Variants in COX7B2 observed in about 807,000 individuals in gnomAD.
COX7B2 encodes the protein cytochrome c oxidase subunit 7B2, mitochondrial.
For synonymous variants in COX7B2, 37 were observed against 32.1 expected, an observed-to-expected ratio of 1.15 and a Z score of -0.51; for missense variants, 109 against 95.9, an observed-to-expected ratio of 1.14 and a Z score of -0.57.
At chr4:46,837,698 T>C (rs187277147) in intron 2 of COX7B2, among the ~76,000 whole-genome samples, 1 of 151,966 alleles carries the variant, frequency 6.6e-6, no homozygotes, top group African/African-American at 2.4e-5. Context: ...ACATAAAAAA[T>C]AAAAATAAGG....
intron 1 of COX7B2, among the ~76,000 whole-genome samples, chr4:46,890,183 G>T (rs1719346507): frequency 6.6e-6 from 1 of 152,154 alleles, no homozygotes; most frequent in South Asian, 2.1e-4. Flanking sequence ...TCTTTAAAGA[G>T]AAAAGTAAGT....
Position 46,779,580 on chromosome 4 carries a change from T to C in COX7B2, c.-49-44339A>G, listed in dbSNP as rs536952303. On this transcript the variant is annotated intron_variant, in intron 2 of 2. Transcript: ENST00000355591. Reference sequence around the variant, plus strand: ...GCTGGGTTATATGGTAGTTCTATTTTTGAATTCGTTCAGAACCTCCATATT... The same window carrying C: ...GCTGGGTTATATGGTAGTTCTATTTCTGAATTCGTTCAGAACCTCCATATT... 3.6e-4 allele frequency among the ~76,000 whole-genome samples: 55 copies of C among 152,282 alleles called. No homozygotes were observed. In the Middle Eastern group the frequency reaches 0.01, roughly 28 times the overall value.
In COX7B2 at chr4:46,849,254, G is replaced by T. The variant is rs553011596; in HGVS notation, c.-104-4240C>A. On this transcript the variant is annotated intron_variant, in intron 1 of 2. Coordinates refer to ENST00000355591, the MANE Select transcript of COX7B2 (RefSeq NM_130902.3). ...TTTTGCTCCATCATCAAGGCTAAAA[G>T]ATTAAATCAATTTCTCCTATGTTTT... Among the ~76,000 whole-genome samples the T allele has an allele frequency of 5.9e-5, 9 of 152,112 alleles. No homozygotes were observed. The South Asian group carries it at 1.9e-3, about 32-fold the overall frequency.
intron 1 of COX7B2, among the ~76,000 whole-genome samples, chr4:46,862,004 C>T (rs1187976691): frequency 6.6e-6 from 1 of 152,116 alleles, no homozygotes; most frequent in African/African-American, 2.4e-5. Flanking sequence ...AGGTCCCAGA[C>T]CCCTGACTTG....
intron 2 of COX7B2, among the ~76,000 whole-genome samples, chr4:46,788,095 A>C (rs1717846172): frequency 6.6e-6 from 1 of 152,222 alleles, no homozygotes; most frequent in African/African-American, 2.4e-5. Flanking sequence ...TAACAAAAGC[A>C]AAACAAGAGA....
At chr4:46,767,474 T>C (rs1014053698) in intron 2 of COX7B2, among the ~76,000 whole-genome samples, 2 of 152,134 alleles carry the variant, frequency 1.3e-5, no homozygotes, top group Admixed American at 1.3e-4. Context: ...TAAAGAAATA[T>C]GGTATTTGAA....
chr4:46,735,244 G>A lies in COX7B2; in HGVS notation c.-49-3C>T. 4 of 1,599,446 alleles carry A rather than the reference G, an allele frequency of 2.5e-6. No individual in the cohort carries two copies. The highest frequency in any genetic ancestry group is 3.4e-6 in the Non-Finnish European group (4 of 1,173,650). The stretch of plus-strand genomic sequence containing the variant: ...TGGTCTATTTTGTTGCAAAGAGGCT[G>A]GAAAGAGAGAAAAGATATGCATTGA... On this transcript the variant is annotated splice_polypyrimidine_tract_variant and splice_region_variant and intron_variant, in intron 2 of 2. Transcript: ENST00000355591.
intron 2 of COX7B2, among the ~76,000 whole-genome samples, chr4:46,823,409 A>G (rs1714443465): frequency 6.6e-6 from 1 of 151,720 alleles, no homozygotes; most frequent in African/African-American, 2.4e-5. Flanking sequence ...AGAAATGAAC[A>G]AAGTACATTT....
intron 1 of COX7B2, among the ~76,000 whole-genome samples, chr4:46,894,429 T>C (rs1405014901): frequency 6.6e-6 from 1 of 151,872 alleles, no homozygotes; most frequent in Non-Finnish European, 1.5e-5. Flanking sequence ...GAATAACAGG[T>C]TACCTATATG....
rs112424603 is a variant in COX7B2, at chr4:46,874,041, C to T, written c.-104-29027G>A. Among the ~76,000 whole-genome samples the T allele has an allele frequency of 5.4e-3, 813 of 151,760 alleles. 6 individuals are homozygous for T. The highest frequency in any genetic ancestry group is 0.018 in the African/African-American group (755 of 41,354). ...TAAATGGGATTAAAAGATCATGGAC[C>T]CTATGCAGAAAAATCTATTGGCTTG... On this transcript the variant is annotated intron_variant, in intron 1 of 2. Transcript: ENST00000355591.
intron 1 of COX7B2, among the ~76,000 whole-genome samples, chr4:46,849,843 T>C (rs1278947834): frequency 1.3e-5 from 2 of 151,926 alleles, no homozygotes; most frequent in African/African-American, 4.8e-5. Context: ...CCCGCTCCCC[T>C]CACCCCACAA....
intron 1 of COX7B2, among the ~76,000 whole-genome samples, chr4:46,881,700 C>A (rs781560733): frequency 1.3e-5 from 2 of 151,962 alleles, no homozygotes; most frequent in East Asian, 3.9e-4. Context: ...CCAGCCTGGG[C>A]GATAGATCCA....
intron 2 of COX7B2, among the ~76,000 whole-genome samples, chr4:46,796,309 C>A (rs1158687547): frequency 6.8e-6 from 1 of 147,418 alleles, no homozygotes; most frequent in Non-Finnish European, 1.5e-5. Flanking sequence ...CCAGTTTTTG[C>A]CCATTTATGC....
intron 1 of COX7B2, among the ~76,000 whole-genome samples, chr4:46,847,701 A>G (rs1423645340): frequency 6.6e-6 from 1 of 152,104 alleles, no homozygotes; most frequent in Non-Finnish European, 1.5e-5. Context: ...GCGCCAATAA[A>G]AAGACCAAGG....
chr4:46,739,320 A>G (rs1284171375), intron 2 of COX7B2, among the ~76,000 whole-genome samples: 2 of 152,002 alleles, frequency 1.3e-5, no homozygotes, highest in Non-Finnish European at 2.9e-5. Flanking sequence ...GTATTGGAAA[A>G]TGATCAAACA....
At chr4:46,836,194 T>A (rs1715500852) in intron 2 of COX7B2, among the ~76,000 whole-genome samples, 1 of 152,162 alleles carries the variant, frequency 6.6e-6, no homozygotes, top group Non-Finnish European at 1.5e-5. Context: ...CTTTCTTCAA[T>A]AATAAACCTT....
chr4:46,783,296 G>T (rs370668815), intron 2 of COX7B2, among the ~76,000 whole-genome samples: 1 of 152,210 alleles, frequency 6.6e-6, no homozygotes, highest in Admixed American at 6.5e-5. Context: ...AGAGACTACA[G>T]ATTGCTCACT....
At chr4:46,790,126 A>G (rs957294359) in intron 2 of COX7B2, among the ~76,000 whole-genome samples, 1 of 152,206 alleles carries the variant, frequency 6.6e-6, no homozygotes, top group African/African-American at 2.4e-5. Context: ...TCTTTATACC[A>G]TGATGTCTGC....
At chr4:46,791,598 G>A (rs1019394205) in intron 2 of COX7B2, among the ~76,000 whole-genome samples, 6 of 152,068 alleles carry the variant, frequency 3.9e-5, no homozygotes, top group Admixed American at 2.0e-4. Context: ...CTAAAGTGTT[G>A]GGCAGCTATT....
Sources: gnomAD v4.1 joint callset for allele counts (sites outside exome capture counted in the v4.1 genomes callset) on GRCh38, gnomAD v4.1.1 for gene constraint, MANE v1.5 for transcripts, NCBI Gene and HGNC (gene_info 2026-07-23, HGNC 2026-07-21) for gene names.